The following EBF1 variants were observed in gnomAD, a reference collection of about 807,000 sequenced individuals.
EBF1 encodes the protein EBF transcription factor 1, also known as transcription factor COE1.
EBF1 carries 10 observed loss-of-function variants against 68.4 expected under a neutral mutation model. The ratio of observed to expected loss-of-function variants is 0.15; its 90% CI spans 0.09 to 0.25. The LOEUF (loss-of-function observed/expected upper bound fraction) is 0.25, where lower values mean the gene tolerates loss of function less well. Among genes scored for constraint, EBF1 ranks in the 10% least tolerant of loss-of-function variants. The pLI, the probability that EBF1 is intolerant of heterozygous loss-of-function variation, is 1.00. For missense variants in EBF1, 509 were observed against 794.4 expected, an observed-to-expected ratio of 0.64 and a Z score of 4.32; for synonymous variants, 298 against 299.8, an observed-to-expected ratio of 0.99 and a Z score of 0.06.
intron 6 of EBF1, among the ~76,000 whole-genome samples, chr5:158,910,155 G>C (rs1228941164): frequency 6.6e-6 from 1 of 152,050 alleles, no homozygotes; most frequent in Non-Finnish European, 1.5e-5. Flanking sequence ...TGACTCCAAT[G>C]CTAGCCAAAA....
At chr5:159,082,424 A>G (rs1449782834) in intron 5 of EBF1, among the ~76,000 whole-genome samples, 2 of 152,200 alleles carry the variant, frequency 1.3e-5, no homozygotes, top group East Asian at 1.9e-4. Context: ...CTTTCACACC[A>G]TATGGCTAAT....
At position 158,775,217 on chromosome 5, in the gene EBF1, T is replaced by C. The variant is rs539925046; in HGVS notation, c.1036+2196A>G. Reference sequence around the variant, plus strand: ...TTCTTAAACTGATGGCAATTTTTTTTTTTAGTGTTTAAAAAAACTCCAAAT... The same window carrying C: ...TTCTTAAACTGATGGCAATTTTTTTCTTTAGTGTTTAAAAAAACTCCAAAT... On this transcript the variant is annotated intron_variant, in intron 10 of 15. Coordinates refer to ENST00000313708, the MANE Select transcript of EBF1 (RefSeq NM_024007.5). 1.2e-4 allele frequency among the ~76,000 whole-genome samples: 18 copies of C among 152,222 alleles called. No individual in the cohort carries two copies. The South Asian group carries it at 3.7e-3, about 32-fold the overall frequency.
intron 6 of EBF1, among the ~76,000 whole-genome samples, chr5:158,969,931 G>T (rs1755265236): frequency 1.6e-5 from 2 of 125,712 alleles, no homozygotes; most frequent in African/African-American, 2.8e-5. Flanking sequence ...AAAAAAAAAA[G>T]GCTGCTGGAA....
chr5:159,003,816 A>T (rs887412372), intron 6 of EBF1, among the ~76,000 whole-genome samples: 3 of 152,234 alleles, frequency 2.0e-5, no homozygotes, highest in African/African-American at 7.2e-5. Context: ...GATGAGGAAG[A>T]TGGAGCTAAG....
intron 8 of EBF1, among the ~76,000 whole-genome samples, chr5:158,813,270 C>T (rs1291391589): frequency 6.6e-6 from 1 of 152,190 alleles, no homozygotes; most frequent in South Asian, 2.1e-4. Flanking sequence ...CATAAACACA[C>T]AACCATTAAA....
intron 6 of EBF1, among the ~76,000 whole-genome samples, chr5:158,955,689 G>A (rs1432622375): frequency 6.6e-6 from 1 of 152,100 alleles, no homozygotes; most frequent in East Asian, 1.9e-4. Flanking sequence ...TCCCTTACAG[G>A]GACGCATCAT....
intron 15 of EBF1, among the ~76,000 whole-genome samples, chr5:158,702,803 G>T (rs1757047069): frequency 1.3e-5 from 2 of 149,660 alleles, no homozygotes; most frequent in South Asian, 4.2e-4. Context: ...GGAACAGGGG[G>T]GTAAGTGAGT....
chr5:158,968,066 CAT>C (rs1474325205), intron 6 of EBF1, among the ~76,000 whole-genome samples: 1 of 152,096 alleles, frequency 6.6e-6, no homozygotes, highest in East Asian at 1.9e-4. Flanking sequence ...TGGAAAAACA[CAT>C]GTCAACAACT....
chr5:159,078,294 C>A (rs186635715), intron 5 of EBF1, among the ~76,000 whole-genome samples: 1 of 152,082 alleles, frequency 6.6e-6, no homozygotes, highest in East Asian at 1.9e-4. Context: ...GCACCAACCT[C>A]CACTATACAC....
At chr5:158,834,781 T>A (rs930979059) in intron 7 of EBF1, among the ~76,000 whole-genome samples, 1 of 152,172 alleles carries the variant, frequency 6.6e-6, no homozygotes, top group Non-Finnish European at 1.5e-5. Flanking sequence ...GGCCCCTGAT[T>A]GCTGTTCAGA....
At chr5:158,840,721 G>C (rs1395477568) in intron 6 of EBF1, among the ~76,000 whole-genome samples, 1 of 132,458 alleles carries the variant, frequency 7.5e-6, no homozygotes, top group Non-Finnish European at 1.6e-5. Flanking sequence ...GCCCAGGCTG[G>C]AGTGCAGTGG....
At chr5:158,840,884 G>A (rs1790210152) in intron 6 of EBF1, among the ~76,000 whole-genome samples, 2 of 151,184 alleles carry the variant, frequency 1.3e-5, no homozygotes, top group Admixed American at 1.3e-4. Flanking sequence ...TTTTAGCCGG[G>A]ATGGTCTCGA....
intron 8 of EBF1, among the ~76,000 whole-genome samples, chr5:158,818,161 C>A (rs1022474351): frequency 5.3e-5 from 8 of 152,152 alleles, no homozygotes; most frequent in African/African-American, 1.9e-4. Context: ...AGCCAGAGAG[C>A]CTGATCCTCC....
intron 6 of EBF1, among the ~76,000 whole-genome samples, chr5:159,046,118 C>T (rs757624946): frequency 1.3e-5 from 2 of 152,120 alleles, no homozygotes; most frequent in African/African-American, 4.8e-5. Flanking sequence ...ACTCAAATAT[C>T]CCTTCTCTCT....
chr5:158,797,781 A>G (rs1779849167), intron 8 of EBF1, among the ~76,000 whole-genome samples: 1 of 152,208 alleles, frequency 6.6e-6, no homozygotes, highest in African/African-American at 2.4e-5. Context: ...TAAACATTTC[A>G]TGTTGGCTGA....
chr5:158,961,952 C>T (rs1818256898), intron 6 of EBF1, among the ~76,000 whole-genome samples: 1 of 152,062 alleles, frequency 6.6e-6, no homozygotes, highest in Non-Finnish European at 1.5e-5. Flanking sequence ...TTGTATAAAC[C>T]TGAGTGGTTA....
chr5:158,741,727 C>G (rs958410582), intron 10 of EBF1, among the ~76,000 whole-genome samples: 3 of 152,032 alleles, frequency 2.0e-5, no homozygotes, highest in Non-Finnish European at 1.5e-5. Context: ...GTAGGGACAC[C>G]TTGGTTGATA....
At chr5:158,818,736 G>T (rs577206973) in intron 8 of EBF1, among the ~76,000 whole-genome samples, 53 of 152,176 alleles carry the variant, frequency 3.5e-4, no homozygotes, top group Non-Finnish European at 6.5e-4. Flanking sequence ...GCCCACAAAA[G>T]CTAAATTTCA....
chr5:158,820,023 A>G (rs149181749), intron 8 of EBF1, among the ~76,000 whole-genome samples: 52 of 152,234 alleles, frequency 3.4e-4, no homozygotes, highest in African/African-American at 1.1e-3. Context: ...AAGCCCATGC[A>G]TGAATGTAAA....
Sources: gnomAD v4.1 joint callset for allele counts (sites outside exome capture counted in the v4.1 genomes callset) on GRCh38, gnomAD v4.1.1 for gene constraint, MANE v1.5 for transcripts, NCBI Gene and HGNC (gene_info 2026-07-23, HGNC 2026-07-21) for gene names.